SLC24A3: variants seen among roughly 807,000 people sequenced by gnomAD.
The protein encoded by SLC24A3 is solute carrier family 24 member 3.
Under a neutral mutation model 75.8 loss-of-function variants are expected in SLC24A3, and 28 were observed. That is an observed-to-expected ratio of 0.37 (90% CI 0.27 to 0.51). SLC24A3 has a LOEUF of 0.51. Ranked by LOEUF, SLC24A3 falls within the 20% of genes least tolerant of loss-of-function variation. The pLI, the probability that SLC24A3 is intolerant of heterozygous loss-of-function variation, is 0.94. For missense variants in SLC24A3, 663 were observed against 847.8 expected (o/e 0.78, Z 2.71); for synonymous variants, 372 against 334.1 (o/e 1.11, Z -1.24).
At chr20:19,688,703 C>G (rs2032709671) in intron 12 of SLC24A3, among the ~76,000 whole-genome samples, 1 of 152,162 alleles carries the variant, frequency 6.6e-6, no homozygotes, top group African/African-American at 2.4e-5. Context: ...TTTCTGGCAC[C>G]CAGCCACAGT....
At chr20:19,653,783 A>C (rs1319260600) in intron 6 of SLC24A3, among the ~76,000 whole-genome samples, 1 of 152,156 alleles carries the variant, frequency 6.6e-6, no homozygotes, top group Non-Finnish European at 1.5e-5. Flanking sequence ...GACCCGCATC[A>C]CAGTTGGACA....
intron 2 of SLC24A3, among the ~76,000 whole-genome samples, chr20:19,448,511 C>A (rs1006943340): frequency 6.6e-6 from 1 of 152,196 alleles, no homozygotes; most frequent in Admixed American, 6.5e-5. Flanking sequence ...TCTGAACCCT[C>A]GAATCACAGC....
At chr20:19,412,056 A>G (rs1200165923) in intron 2 of SLC24A3, among the ~76,000 whole-genome samples, 1 of 151,902 alleles carries the variant, frequency 6.6e-6, no homozygotes, top group Non-Finnish European at 1.5e-5. Context: ...AGCTAGGAAA[A>G]CCTCTTGAAA....
intron 2 of SLC24A3, among the ~76,000 whole-genome samples, chr20:19,446,441 G>A (rs921178262): frequency 2.0e-5 from 3 of 152,208 alleles, no homozygotes; most frequent in Non-Finnish European, 4.4e-5. Context: ...GCAGGTCTTG[G>A]ATATAGCCTC....
rs369803470 is a variant in SLC24A3 at position 19,560,817 on chromosome 20, G to C, written c.349-19183G>C. Among the ~76,000 whole-genome samples, 8 of 152,248 alleles carry C rather than the reference G, an allele frequency of 5.3e-5. 1 individual carries two copies. The East Asian group carries it at 1.5e-3, about 29-fold the overall frequency. On this transcript the variant is annotated intron_variant, in intron 3 of 16. Transcript: ENST00000328041. ...TGACTTTCATCCTTCTGTTCCATTA[G>C]TACATTTTGTATTCTTCGAAGAAAG...
At chr20:19,323,945 T>A (rs897138844) in intron 2 of SLC24A3, among the ~76,000 whole-genome samples, 2 of 152,168 alleles carry the variant, frequency 1.3e-5, no homozygotes, top group Non-Finnish European at 2.9e-5. Context: ...ATTAAGAATA[T>A]TTGCTTTCTA....
chr20:19,454,366 G>T (rs1987543249), intron 2 of SLC24A3, among the ~76,000 whole-genome samples: 1 of 152,106 alleles, frequency 6.6e-6, no homozygotes, highest in Admixed American at 6.5e-5. Flanking sequence ...GGTTTTTCAG[G>T]CTAATAGTTC....
intron 2 of SLC24A3, among the ~76,000 whole-genome samples, chr20:19,315,058 G>C (rs1984553050): frequency 6.6e-6 from 1 of 152,232 alleles, no homozygotes; most frequent in Non-Finnish European, 1.5e-5. Flanking sequence ...CAGGTCACTT[G>C]CTTCTGAGGC....
At chr20:19,556,209 G>T (rs565844577) in intron 3 of SLC24A3, among the ~76,000 whole-genome samples, 1 of 152,142 alleles carries the variant, frequency 6.6e-6, no homozygotes, top group African/African-American at 2.4e-5. Flanking sequence ...ATATAAATTT[G>T]GGGGGGACAT....
intron 3 of SLC24A3, among the ~76,000 whole-genome samples, chr20:19,531,566 A>C (rs2030299837): frequency 6.6e-6 from 1 of 152,246 alleles, no homozygotes; most frequent in East Asian, 1.9e-4. Context: ...AAATGAGTAA[A>C]GTAAGGCTTG....
At chr20:19,234,619 A>G (rs1311753534) in intron 1 of SLC24A3, among the ~76,000 whole-genome samples, 1 of 152,200 alleles carries the variant, frequency 6.6e-6, no homozygotes, top group Non-Finnish European at 1.5e-5. Context: ...CCTTACTACT[A>G]TAGAGTCTCC....
intron 1 of SLC24A3, among the ~76,000 whole-genome samples, chr20:19,255,470 T>C (rs1982787127): frequency 6.6e-6 from 1 of 152,244 alleles, no homozygotes; most frequent in African/African-American, 2.4e-5. Context: ...TTTAGCCAGA[T>C]GGATTTCCAT....
At chr20:19,709,349 G>A (rs537417414) in intron 15 of SLC24A3, among the ~76,000 whole-genome samples, 3 of 152,174 alleles carry the variant, frequency 2.0e-5, no homozygotes, top group Non-Finnish European at 4.4e-5. Flanking sequence ...GAGATGGGGG[G>A]ATGTGGGTGA....
intron 2 of SLC24A3, among the ~76,000 whole-genome samples, chr20:19,425,167 G>C (rs1986984483): frequency 6.6e-6 from 1 of 152,144 alleles, no homozygotes; most frequent in Non-Finnish European, 1.5e-5. Context: ...GCTGGGCATG[G>C]TGGTGTGCAC....
chr20:19,369,848 G>A (rs2122354488), intron 2 of SLC24A3, among the ~76,000 whole-genome samples: 1 of 151,976 alleles, frequency 6.6e-6, no homozygotes, highest in South Asian at 2.1e-4. Flanking sequence ...ATTTTTTTTT[G>A]TAGAGTTGAG....
At position 19,252,512 on chromosome 20, in the gene SLC24A3, T is replaced by C. The variant is rs529650258; in HGVS notation, c.143-28447T>C. Among the ~76,000 whole-genome samples the C allele has an allele frequency of 6.6e-5, 10 of 152,306 alleles. No individual in the cohort carries two copies. In the East Asian group the frequency reaches 1.9e-3, roughly 29 times the overall value. ...AACCCAGACAGCTGATTTTAATCATTGCTGTCATCTGTTGCAATCAGCTAG... is the reference window on the plus strand; with the variant it reads ...AACCCAGACAGCTGATTTTAATCATCGCTGTCATCTGTTGCAATCAGCTAG... On this transcript the variant is annotated intron_variant, in intron 1 of 16. Coordinates refer to ENST00000328041, the MANE Select transcript of SLC24A3 (RefSeq NM_020689.4).
At chr20:19,512,235 C>T (rs2029897851) in intron 2 of SLC24A3, among the ~76,000 whole-genome samples, 1 of 152,194 alleles carries the variant, frequency 6.6e-6, no homozygotes, top group Non-Finnish European at 1.5e-5. Context: ...GTAAGCTGCC[C>T]ACTCCCTGAA....
At chr20:19,410,273 A>G (rs1209535108) in intron 2 of SLC24A3, among the ~76,000 whole-genome samples, 1 of 152,202 alleles carries the variant, frequency 6.6e-6, no homozygotes, top group Admixed American at 6.5e-5. Flanking sequence ...ATAAATTATC[A>G]TCTTAACAGA....
chr20:19,313,729 C>T (rs549532167), intron 2 of SLC24A3, among the ~76,000 whole-genome samples: 17 of 152,372 alleles, frequency 1.1e-4, no homozygotes, highest in African/African-American at 4.1e-4. Context: ...GGACATGTAA[C>T]AGCTCCTGCT....
Sources: allele counts gnomAD v4.1 joint callset (sites outside exome capture counted in the v4.1 genomes callset), GRCh38; gene constraint gnomAD v4.1.1; transcripts MANE v1.5; gene names NCBI Gene and HGNC (gene_info 2026-07-23, HGNC 2026-07-21).